Variants in SCMH1 observed in about 807,000 individuals in gnomAD.
SCMH1 encodes Scm polycomb group protein homolog 1.
SCMH1 carries 37 observed loss-of-function variants against 70.8 expected under a neutral mutation model. That is an observed-to-expected ratio of 0.52 (90% CI 0.40 to 0.69). The LOEUF (loss-of-function observed/expected upper bound fraction) is 0.69. SCMH1 is among the 30% of genes least tolerant of loss of function. The pLI is 0.00. For missense variants in SCMH1, 607 were observed against 827.3 expected, an observed-to-expected ratio of 0.73 and a Z score of 3.27; for synonymous variants, 292 against 307.4, an observed-to-expected ratio of 0.95 and a Z score of 0.52.
chr1:41,052,182 CA>C (rs1648422331), intron 10 of SCMH1, among the ~76,000 whole-genome samples: 1 of 152,148 alleles, frequency 6.6e-6, no homozygotes, highest in Non-Finnish European at 1.5e-5. Flanking sequence ...TACGCTATGA[CA>C]GGGGTCCCCA....
chr1:41,028,430 T>G (rs1644036255), intron 14 of SCMH1, 111 bp from the exon 16 acceptor site: 1 of 1,517,618 alleles, frequency 6.6e-7, no homozygotes, highest in African/African-American at 1.4e-5. Flanking sequence ...GCCCGCCACA[T>G]GGAGTCCAGT....
At chr1:41,095,209 G>A (rs1407497630) in intron 8 of SCMH1, among the ~76,000 whole-genome samples, 1 of 152,302 alleles carries the variant, frequency 6.6e-6, no homozygotes, top group East Asian at 1.9e-4. Context: ...GTGAATAAAT[G>A]TAACCCATAC....
At chr1:41,054,044 C>A (rs909019299) in intron 10 of SCMH1, among the ~76,000 whole-genome samples, 1 of 152,052 alleles carries the variant, frequency 6.6e-6, no homozygotes, top group African/African-American at 2.4e-5. Flanking sequence ...CGGGGTTTCA[C>A]CGTGTTAGCC....
chr1:41,034,031 T>C (rs1049360852), intron 13 of SCMH1: 20 of 1,612,120 alleles, frequency 1.2e-5, no homozygotes, highest in Non-Finnish European at 1.7e-5. Flanking sequence ...CTTCTTTCAT[T>C]TGATCCTTTT....
At chr1:41,109,079 T>C (rs141664747) in intron 8 of SCMH1, among the ~76,000 whole-genome samples, 166 of 152,266 alleles carry the variant, frequency 1.1e-3, no homozygotes, top group Non-Finnish European at 1.8e-3. Flanking sequence ...GTGAAAACAA[T>C]ATGCCTCAGT....
At chr1:41,137,844 T>C (rs942722746) in intron 6 of SCMH1, among the ~76,000 whole-genome samples, 6 of 152,354 alleles carry the variant, frequency 3.9e-5, no homozygotes, top group East Asian at 1.9e-4. Context: ...TTGCTACTCA[T>C]ATAATTTCTT....
At chr1:41,169,190 G>A (rs1332755681) in intron 2 of SCMH1, among the ~76,000 whole-genome samples, 3 of 152,212 alleles carry the variant, frequency 2.0e-5, no homozygotes, top group Non-Finnish European at 2.9e-5. Flanking sequence ...TTGGGTGGAA[G>A]TTATAGAAGT....
At chr1:41,242,141 G>T (rs1271354667), upstream of SCMH1, 4 of 148,776 alleles carry the variant, frequency 2.7e-5, no homozygotes, top group Non-Finnish European at 6.0e-5. The surrounding 1 kb of genome is among the most constrained non-coding windows in gnomAD (Gnocchi z 5.2). Context: ...GCGGAGACGC[G>T]GGAAGGGGGC....
chr1:41,119,461 A>C lies in SCMH1; in HGVS notation c.413-2451T>G, dbSNP rs956497152. The stretch of plus-strand genomic sequence containing the variant: ...GGCAAAAAAAAAACAAAAAAAAAAA[A>C]ACCCCACCGTAACTCCACATGATTT... On this transcript the variant is annotated intron_variant, in intron 6 of 14. Transcript: ENST00000337495. Among the ~76,000 whole-genome samples the C allele has an allele frequency of 1.3e-4, 20 of 152,152 alleles. No individual in the cohort carries two copies. In the South Asian group the frequency reaches 3.9e-3, roughly 30 times the overall value.
intron 6 of SCMH1, among the ~76,000 whole-genome samples, chr1:41,135,085 C>T (rs1194383755): frequency 1.3e-5 from 2 of 152,060 alleles, no homozygotes; most frequent in African/African-American, 4.8e-5. Context: ...AATCCTAATT[C>T]CTTTTATTTA....
intron 1 of SCMH1, among the ~76,000 whole-genome samples, chr1:41,241,308 C>T (rs532942368): frequency 7.5e-4 from 115 of 152,382 alleles, no homozygotes; most frequent in Non-Finnish European, 1.2e-3. Context: ...ACTTTCGATG[C>T]TCTCGGGCTG....
Position 41,113,231 on chromosome 1 carries a change from T to C in SCMH1, c.745+52A>G, listed in dbSNP as rs1023755192. On this transcript the variant is annotated intron_variant, in intron 8 of 14. Coordinates refer to ENST00000337495, the Ensembl canonical transcript of SCMH1. The surrounding 1 kb of genome is among the most constrained non-coding windows in gnomAD (Gnocchi z 4.3). ...ATATGATCATGACAGCCCTGGGTAG[T>C]CTCCCTTATCATCTGGGTCCTGATT... The C allele has an allele frequency of 6.3e-7, 1 of 1,583,382 alleles. No homozygotes were observed. The highest frequency in any genetic ancestry group is 8.6e-7 in the Non-Finnish European group (1 of 1,166,024).
chr1:41,240,582 C>G (rs142465320), intron 1 of SCMH1, among the ~76,000 whole-genome samples: 1 of 151,608 alleles, frequency 6.6e-6, no homozygotes, highest in Non-Finnish European at 1.5e-5. Flanking sequence ...AAGAGCTATT[C>G]TATTTGCCTG....
At chr1:41,214,935 C>T (rs897352512) in intron 1 of SCMH1, among the ~76,000 whole-genome samples, 1 of 152,118 alleles carries the variant, frequency 6.6e-6, no homozygotes, top group African/African-American at 2.4e-5. Flanking sequence ...AGCGCTTCTT[C>T]AAAATGCTAA....
intron 1 of SCMH1, among the ~76,000 whole-genome samples, chr1:41,207,107 C>T (rs1655740555): frequency 6.6e-6 from 1 of 152,082 alleles, no homozygotes; most frequent in Admixed American, 6.6e-5. Flanking sequence ...TAAAGACCAT[C>T]GATGTTATGA....
chr1:41,117,047 G>A (rs751024960), intron 6 of SCMH1, 37 bp from the exon 7 acceptor site: 19 of 1,563,520 alleles, frequency 1.2e-5, no homozygotes, highest in South Asian at 2.5e-5. Context: ...TTAAAAGTAT[G>A]TTTCAAAAAT....
chr1:41,159,806 T>A (rs2148415019), intron 4 of SCMH1: 1 of 1,480,880 alleles, frequency 6.8e-7, no homozygotes, highest in East Asian at 2.6e-5. Flanking sequence ...GATTTGACTT[T>A]TAGAGTAAAG....
chr1:41,227,446 C>T (rs1660489462), intron 1 of SCMH1, among the ~76,000 whole-genome samples: 1 of 152,162 alleles, frequency 6.6e-6, no homozygotes, highest in Admixed American at 6.5e-5. Context: ...CTGACACACG[C>T]TATAACACAG....
chr1:41,201,572 T>C (rs1654361464), intron 1 of SCMH1, among the ~76,000 whole-genome samples: 2 of 152,186 alleles, frequency 1.3e-5, no homozygotes, highest in South Asian at 2.1e-4. Flanking sequence ...TGTCTTCCAA[T>C]GAGCAACTCA....
Sources: allele counts gnomAD v4.1 joint callset (sites outside exome capture counted in the v4.1 genomes callset), GRCh38; gene constraint gnomAD v4.1.1; non-coding constraint Gnocchi (gnomAD v3.1); transcripts MANE v1.5; gene names NCBI Gene and HGNC (gene_info 2026-07-23, HGNC 2026-07-21).